CAMK1D: variants seen among roughly 807,000 people sequenced by gnomAD.
CAMK1D encodes the protein calcium/calmodulin dependent protein kinase ID, also known as calcium/calmodulin-dependent protein kinase type 1D.
CAMK1D carries 9 observed loss-of-function variants against 47.7 expected under a neutral mutation model. That is an observed-to-expected ratio of 0.19 (90% confidence interval 0.11 to 0.33). The LOEUF (loss-of-function observed/expected upper bound fraction) is 0.33. CAMK1D is among the 10% of genes least tolerant of loss of function. The probability of loss-of-function intolerance (pLI) is 1.00; values close to 1 mark genes in which losing one functional copy is unlikely to be tolerated. For missense variants in CAMK1D, 291 were observed against 488.7 expected, an observed-to-expected ratio of 0.60 and a Z score of 3.81; for synonymous variants, 184 against 184.9, an observed-to-expected ratio of 0.99 and a Z score of 0.04.
At chr10:12,722,320 C>T (rs1478501384) in intron 3 of CAMK1D, among the ~76,000 whole-genome samples, 3 of 151,568 alleles carry the variant, frequency 2.0e-5, no homozygotes, top group Non-Finnish European at 4.4e-5. Flanking sequence ...GTGGTGGGTG[C>T]CTGTAGTCCC....
chr10:12,658,040 C>T (rs546356097), intron 2 of CAMK1D, among the ~76,000 whole-genome samples: 1 of 152,154 alleles, frequency 6.6e-6, no homozygotes, highest in Non-Finnish European at 1.5e-5. Flanking sequence ...GTCCTAGCTA[C>T]TCGGGAGGCT....
chr10:12,649,675 A>G (rs1839907429), intron 2 of CAMK1D, among the ~76,000 whole-genome samples: 1 of 152,024 alleles, frequency 6.6e-6, no homozygotes, highest in Non-Finnish European at 1.5e-5. Flanking sequence ...TTTAGAAACA[A>G]AAAAAAATGT....
At chr10:12,415,065 C>T (rs1228674747) in intron 1 of CAMK1D, among the ~76,000 whole-genome samples, 1 of 152,080 alleles carries the variant, frequency 6.6e-6, no homozygotes, top group African/African-American at 2.4e-5. Context: ...AGATTTTCCT[C>T]TTGTTTTCAT....
intron 2 of CAMK1D, among the ~76,000 whole-genome samples, chr10:12,586,330 T>C (rs1382055857): frequency 1.3e-5 from 2 of 151,694 alleles, no homozygotes; most frequent in Middle Eastern, 3.2e-3. Context: ...TCAGCTGTAA[T>C]CCCAGATACT....
At chr10:12,507,655 G>A (rs969828305) in intron 1 of CAMK1D, among the ~76,000 whole-genome samples, 6 of 152,274 alleles carry the variant, frequency 3.9e-5, no homozygotes, top group East Asian at 1.9e-4. Flanking sequence ...GAGGCACTGC[G>A]GATGGGCTTG....
In CAMK1D at chr10:12,515,701, C is replaced by T. The variant is rs993549555; in HGVS notation, c.93-37524C>T. Among the ~76,000 whole-genome samples, 60 of 151,320 alleles carry T rather than the reference C, an allele frequency of 4.0e-4. 2 individuals are homozygous for T. The highest frequency in any genetic ancestry group is 1.5e-4 in the Non-Finnish European group (10 of 67,844). ...CTTGGCTCACTGCAAGCTTCACCTC[C>T]CGGGTTCACGCCATTCTCCTGCCTC... On this transcript the variant is annotated intron_variant, in intron 1 of 10. Transcript: ENST00000619168.
intron 1 of CAMK1D, among the ~76,000 whole-genome samples, chr10:12,468,719 G>A (rs1168936876): frequency 1.3e-5 from 2 of 152,174 alleles, no homozygotes; most frequent in Non-Finnish European, 2.9e-5. Flanking sequence ...ATGGGCGGAC[G>A]TGGAGTAGTT....
intron 1 of CAMK1D, among the ~76,000 whole-genome samples, chr10:12,410,708 C>T (rs1839627685): frequency 6.6e-6 from 1 of 152,002 alleles, no homozygotes; most frequent in Non-Finnish European, 1.5e-5. Flanking sequence ...TCTTTGTTAG[C>T]AGGAATGACA....
chr10:12,766,929 G>A (rs757179984), intron 4 of CAMK1D, among the ~76,000 whole-genome samples: 1 of 152,166 alleles, frequency 6.6e-6, no homozygotes, highest in Non-Finnish European at 1.5e-5. Context: ...TGGTCAAGGA[G>A]GGAGTCTTGG....
rs540328199 is a variant in CAMK1D at position 12,766,636 on chromosome 10, C to CT, written c.439-3035dup. On this transcript the variant is annotated intron_variant, in intron 4 of 10. Transcript: ENST00000619168. ...GGCTGCTTTTTGTTAGAAGGGAAGC[C>CT]TTGCCGAGGACTCTTTTACCCTCAC... 6.2e-3 allele frequency among the ~76,000 whole-genome samples: 940 copies of CT among 152,162 alleles called. 14 individuals are homozygous for CT. The highest frequency in any genetic ancestry group is 0.022 in the African/African-American group (899 of 41,530).
At chr10:12,800,369 G>A (rs952705679) in intron 6 of CAMK1D, among the ~76,000 whole-genome samples, 5 of 152,208 alleles carry the variant, frequency 3.3e-5, no homozygotes, top group Non-Finnish European at 7.3e-5. Context: ...CTTAAAGTCT[G>A]TCATATTATA....
At chr10:12,564,348 G>A (rs1030092215) in intron 2 of CAMK1D, among the ~76,000 whole-genome samples, 14 of 151,842 alleles carry the variant, frequency 9.2e-5, no homozygotes, top group East Asian at 1.9e-4. Context: ...TGTTGTGTCC[G>A]TTCTGTCTTC....
chr10:12,581,953 A>G (rs1837676513), intron 2 of CAMK1D, among the ~76,000 whole-genome samples: 1 of 152,314 alleles, frequency 6.6e-6, no homozygotes, highest in Admixed American at 6.5e-5. Context: ...TTGCTCATGA[A>G]GTCTTTGCTT....
At chr10:12,560,347 G>A (rs1365568110) in intron 2 of CAMK1D, among the ~76,000 whole-genome samples, 1 of 152,018 alleles carries the variant, frequency 6.6e-6, no homozygotes, top group Admixed American at 6.6e-5. Context: ...GAGGTCAGGA[G>A]TTAGAGACCA....
chr10:12,659,406 C>T (rs1840210218), intron 2 of CAMK1D, among the ~76,000 whole-genome samples: 1 of 152,136 alleles, frequency 6.6e-6, no homozygotes, highest in African/African-American at 2.4e-5. Flanking sequence ...TGTGAGTGAT[C>T]ATCTGTGAGA....
At chr10:12,417,178 A>G (rs1839880912) in intron 1 of CAMK1D, among the ~76,000 whole-genome samples, 2 of 152,166 alleles carry the variant, frequency 1.3e-5, no homozygotes, top group South Asian at 4.2e-4. Context: ...ATTAGCTGTT[A>G]ATATTATTTT....
At chr10:12,598,405 A>G (rs940926216) in intron 2 of CAMK1D, among the ~76,000 whole-genome samples, 4 of 152,218 alleles carry the variant, frequency 2.6e-5, no homozygotes, top group African/African-American at 9.7e-5. Flanking sequence ...GGGGCTCTCA[A>G]GATACATCAG....
chr10:12,810,879 C>T (rs1220400303), intron 6 of CAMK1D, among the ~76,000 whole-genome samples: 4 of 152,284 alleles, frequency 2.6e-5, no homozygotes, highest in Non-Finnish European at 4.4e-5. Flanking sequence ...GGACCGTATA[C>T]GAAAAGGGAG....
At chr10:12,593,821 T>A (rs531488469) in intron 2 of CAMK1D, among the ~76,000 whole-genome samples, 1 of 152,306 alleles carries the variant, frequency 6.6e-6, no homozygotes, top group East Asian at 1.9e-4. Context: ...ACTCAACTTG[T>A]AATGTCTGCC....
Sources: allele counts gnomAD v4.1 joint callset (sites outside exome capture counted in the v4.1 genomes callset), GRCh38; gene constraint gnomAD v4.1.1; transcripts MANE v1.5; gene names NCBI Gene and HGNC (gene_info 2026-07-23, HGNC 2026-07-21).